Variants in GLDN observed in about 807,000 individuals in gnomAD.
GLDN encodes the protein gliomedin.
A neutral mutation model predicts 56.5 loss-of-function variants in GLDN; 47 were observed. The ratio of observed to expected loss-of-function variants is 0.83; its 90% CI spans 0.66 to 1.06. The LOEUF (loss-of-function observed/expected upper bound fraction) is 1.06. Ranked by LOEUF, GLDN falls within the 50% of genes least tolerant of loss-of-function variation. The pLI, the probability that GLDN is intolerant of heterozygous loss-of-function variation, is 0.00. For missense variants in GLDN, 782 were observed against 714.3 expected, an observed-to-expected ratio of 1.09 and a Z score of -1.08; for synonymous variants, 332 against 278.8, an observed-to-expected ratio of 1.19 and a Z score of -1.90.
In GLDN at chr15:51,397,489, C is replaced by A. The variant is rs1320951080; in HGVS notation, c.708C>A (p.Gly236=). ...CTCCAGGTGCCAAAGGTGACCAAGGCCCACCCGGTCCACCTGGGCCCCCAG... is the reference window on the plus strand; with the variant it reads ...CTCCAGGTGCCAAAGGTGACCAAGGACCACCCGGTCCACCTGGGCCCCCAG... ...VLLAGAKGDQ[G]PPGPPGPPGP... Residue 236 remains glycine (G), a synonymous_variant, in exon 6 of 10, where the codon GGC becomes GGA. Transcript: ENST00000335449. The A allele has an allele frequency of 6.4e-7, 1 of 1,555,692 alleles. No individual in the cohort carries two copies.
chr15:51,381,768 GT>G lies in GLDN; in HGVS notation c.416-1656del, dbSNP rs759416320. Among the ~76,000 whole-genome samples, 221 of 144,832 alleles carry G rather than the reference GT, an allele frequency of 1.5e-3. 1 individual carries two copies. The highest frequency in any genetic ancestry group is 3.7e-3 in the African/African-American group (147 of 39,822). On this transcript the variant is annotated intron_variant, in intron 2 of 9. Coordinates refer to ENST00000335449, the MANE Select transcript of GLDN (RefSeq NM_181789.4). ...TTGACAGCTACAAAGATCCCCTAGG[GT>G]TTTTTTTTTTTCTGCAATGCCCATC... is the stretch of plus-strand genomic sequence containing the variant.
At chr15:51,380,768 C>T (rs2037740800) in intron 2 of GLDN, among the ~76,000 whole-genome samples, 1 of 152,112 alleles carries the variant, frequency 6.6e-6, no homozygotes, top group Non-Finnish European at 1.5e-5. Flanking sequence ...GGGTGTGGCC[C>T]TCCCGCTCTT....
intron 1 of GLDN, among the ~76,000 whole-genome samples, chr15:51,344,699 A>G (rs567145705): frequency 2.2e-4 from 33 of 152,326 alleles, no homozygotes; most frequent in Admixed American, 1.8e-3. Flanking sequence ...AACAAACTCT[A>G]TGCAGACTAA....
At chr15:51,363,402 ATG>A (rs1239380519) in intron 1 of GLDN, among the ~76,000 whole-genome samples, 1 of 152,228 alleles carries the variant, frequency 6.6e-6, no homozygotes, top group Non-Finnish European at 1.5e-5. Context: ...TCGGCTTATC[ATG>A]TGTTTGCTGA....
At chr15:51,387,581 G>A (rs755251178) in intron 4 of GLDN, among the ~76,000 whole-genome samples, 84 of 152,146 alleles carry the variant, frequency 5.5e-4, no homozygotes, top group Non-Finnish European at 3.7e-4. Context: ...AGGTCCTCAC[G>A]TGGGTACGCA....
chr15:51,381,229 C>T (rs116571530), intron 2 of GLDN, among the ~76,000 whole-genome samples: 4,803 of 152,300 alleles, frequency 0.032, 263 homozygotes, highest in African/African-American at 0.11. Context: ...ACGTGGTTAT[C>T]AGACTGTCGT....
intron 1 of GLDN, among the ~76,000 whole-genome samples, chr15:51,355,579 A>G (rs1008205458): frequency 1.4e-5 from 2 of 142,146 alleles, no homozygotes; most frequent in Non-Finnish European, 3.0e-5. Context: ...GCTGGAGTCC[A>G]GTGGCATGAT....
intron 1 of GLDN, among the ~76,000 whole-genome samples, chr15:51,373,316 C>G (rs115590764): frequency 1.3e-5 from 2 of 152,268 alleles, no homozygotes; most frequent in South Asian, 2.1e-4. Flanking sequence ...CTTGTGGAAC[C>G]CAAGTATATG....
chr15:51,364,847 G>T (rs894091397), intron 1 of GLDN, among the ~76,000 whole-genome samples: 7 of 152,138 alleles, frequency 4.6e-5, no homozygotes, highest in African/African-American at 1.7e-4. Flanking sequence ...CTTGTTGGGT[G>T]CTATAGCTCA....
At chr15:51,394,740 C>A in intron 4 of GLDN, 95 bp from the exon 5 acceptor site, 1 of 1,283,192 alleles carries the variant, frequency 7.8e-7, no homozygotes, top group Admixed American at 2.0e-5. Context: ...GTATATAAAA[C>A]TGCTTCCCTG....
At chr15:51,400,155 A>G (rs1463545757) in intron 6 of GLDN, 37 bp from the exon 7 acceptor site, 1 of 1,584,304 alleles carries the variant, frequency 6.3e-7, no homozygotes, top group African/African-American at 1.3e-5. Context: ...CACTGTGCCA[A>G]CCGTATCGGC....
At chr15:51,363,265 T>C (rs1291808878) in intron 1 of GLDN, among the ~76,000 whole-genome samples, 3 of 152,180 alleles carry the variant, frequency 2.0e-5, no homozygotes, top group African/African-American at 7.2e-5. Flanking sequence ...CAAGAGTCTG[T>C]CTATTCCTTA....
At chr15:51,357,998 C>T (rs770845044) in intron 1 of GLDN, among the ~76,000 whole-genome samples, 6 of 152,120 alleles carry the variant, frequency 3.9e-5, no homozygotes, top group African/African-American at 7.2e-5. Context: ...CATCAAAAGG[C>T]GTGTCAGTGG....
chr15:51,352,707 G>C (rs1193991788), intron 1 of GLDN, among the ~76,000 whole-genome samples: 1 of 152,170 alleles, frequency 6.6e-6, no homozygotes, highest in East Asian at 1.9e-4. Flanking sequence ...CCACCCCTCT[G>C]AAACTGCCTT....
chr15:51,406,854 G>C lies in GLDN; in HGVS notation c.*2100G>C, dbSNP rs192671199. On this transcript the variant is annotated 3_prime_UTR_variant, in exon 10 of 10. Coordinates refer to ENST00000335449, the MANE Select transcript of GLDN (RefSeq NM_181789.4). ...TTTCAGATTCACGTTCTCTAACAAA[G>C]AGTCTCATGTTCAAGATCAATATGT... 1 of 152,272 alleles carries C rather than the reference G, an allele frequency of 6.6e-6. No homozygotes were observed. The highest frequency in any genetic ancestry group is 6.5e-5 in the Admixed American group (1 of 15,298). The allele number at this position is 152,272 out of a possible 1,614,324, so 9.4% of individuals were successfully genotyped here. A position where few individuals can be genotyped will look rare whatever the true frequency, so the allele number is the denominator to read the frequency against.
At chr15:51,352,520 G>T (rs933110574) in intron 1 of GLDN, among the ~76,000 whole-genome samples, 1 of 152,060 alleles carries the variant, frequency 6.6e-6, no homozygotes, top group African/African-American at 2.4e-5. Context: ...TTCCTTCAGG[G>T]TGCCAACTTG....
chr15:51,389,837 G>A (rs1357479760), intron 4 of GLDN, among the ~76,000 whole-genome samples: 1 of 152,166 alleles, frequency 6.6e-6, no homozygotes, highest in African/African-American at 2.4e-5. Context: ...GGCTAGATTG[G>A]GCTAGGACTA....
chr15:51,389,995 C>T (rs1024405025), intron 4 of GLDN, among the ~76,000 whole-genome samples: 1 of 152,220 alleles, frequency 6.6e-6, no homozygotes, highest in Non-Finnish European at 1.5e-5. Context: ...AACATCAAAG[C>T]TTCTCAGGTT....
chr15:51,394,612 C>CAATAAATA (rs142890346), intron 4 of GLDN, among the ~76,000 whole-genome samples: 43 of 151,518 alleles, frequency 2.8e-4, no homozygotes, highest in Non-Finnish European at 1.5e-4. Flanking sequence ...GAGTCCATCT[C>CAATAAATA]AATAAATAAA....
Sources: gnomAD v4.1 joint callset for allele counts (sites outside exome capture counted in the v4.1 genomes callset) on GRCh38, gnomAD v4.1.1 for gene constraint, MANE v1.5 for transcripts, NCBI Gene and HGNC (gene_info 2026-07-23, HGNC 2026-07-21) for gene names.